The following GALNT16 variants were observed in gnomAD, a reference collection of about 807,000 sequenced individuals.
The protein encoded by GALNT16 is UDP-GalNAc:polypeptide N-acetylgalactosaminyltransferase-like protein 1.
In GALNT16, 40 loss-of-function variants were observed where a neutral mutation model predicts 76.1. The observed-to-expected ratio is 0.53, with a 90% CI of 0.41 to 0.68. The LOEUF is 0.68. Among genes scored for constraint, GALNT16 ranks in the 30% least tolerant of loss-of-function variants. The pLI is 0.00. For synonymous variants in GALNT16, 276 were observed against 285.2 expected, an observed-to-expected ratio of 0.97 and a Z score of 0.32; for missense variants, 621 against 731.9, an observed-to-expected ratio of 0.85 and a Z score of 1.75.
At chr14:69,316,470 G>T (rs764099551) in intron 1 of GALNT16, among the ~76,000 whole-genome samples, 1 of 152,226 alleles carries the variant, frequency 6.6e-6, no homozygotes, top group Non-Finnish European at 1.5e-5. Flanking sequence ...TAGACTGTGA[G>T]ATTGCAATGA....
At chr14:69,320,487 C>CA (rs1254858211) in intron 1 of GALNT16, among the ~76,000 whole-genome samples, 6 of 122,262 alleles carry the variant, frequency 4.9e-5, no homozygotes, top group African/African-American at 8.8e-5. Context: ...GACCCTGTGT[C>CA]AAAAAAAAGA....
At chr14:69,336,362 T>C (rs1355075625) in intron 9 of GALNT16, among the ~76,000 whole-genome samples, 1 of 152,184 alleles carries the variant, frequency 6.6e-6, no homozygotes, top group Non-Finnish European at 1.5e-5. Flanking sequence ...TCCACCCGCC[T>C]CAGCCTCCCA....
intron 1 of GALNT16, among the ~76,000 whole-genome samples, chr14:69,283,724 G>T (rs556930449): frequency 6.6e-6 from 1 of 152,296 alleles, no homozygotes; most frequent in Admixed American, 6.5e-5. Flanking sequence ...AAGAAGATTT[G>T]ATTATTTACT....
In GALNT16 at chr14:69,328,653, T is replaced by C. The variant is rs2140175150; in HGVS notation, c.690+82T>C. 4.8e-6 allele frequency: 7 copies of C among 1,445,432 alleles called. No homozygotes were observed. In the East Asian group the frequency reaches 9.4e-5, roughly 19 times the overall value. The allele number at this position is 1,445,432 out of a possible 1,614,324, so 89.5% of individuals were successfully genotyped here. A position where few individuals can be genotyped will look rare whatever the true frequency, so the allele number is the denominator to read the frequency against. ...TGGCACCGAGGCCTATGGGACAGTATTTGAAGCTGGGCAGGCATCGTAGGA... is the reference window on the plus strand; with the variant it reads ...TGGCACCGAGGCCTATGGGACAGTACTTGAAGCTGGGCAGGCATCGTAGGA... On this transcript the variant is annotated intron_variant, in intron 6 of 14. Transcript: ENST00000448469.
At chr14:69,382,669 CAA>C in the GALNT16 span, among the ~76,000 whole-genome samples, 6 of 139,332 alleles carry the variant, frequency 4.3e-5, no homozygotes, top group Admixed American at 7.4e-5. Flanking sequence ...CCGTCTCCAC[CAA>C]AAAAAAAAAA....
At chr14:69,340,975 A>G (rs1394086676) in intron 11 of GALNT16, among the ~76,000 whole-genome samples, 1 of 152,170 alleles carries the variant, frequency 6.6e-6, no homozygotes, top group African/African-American at 2.4e-5. Flanking sequence ...TCTTCTCCCT[A>G]TTTATTCATA....
At chr14:69,285,956 G>A (rs1394186427) in intron 1 of GALNT16, among the ~76,000 whole-genome samples, 2 of 151,844 alleles carry the variant, frequency 1.3e-5, no homozygotes, top group African/African-American at 2.4e-5. Flanking sequence ...TCCCCCACCC[G>A]CCCCAGTGCA....
chr14:69,340,241 T>G (rs1244367090), intron 11 of GALNT16, among the ~76,000 whole-genome samples: 1 of 152,276 alleles, frequency 6.6e-6, no homozygotes, highest in East Asian at 1.9e-4. Context: ...CAGTTGCCCC[T>G]CTGCATCTGC....
chr14:69,373,542 G>T, the GALNT16 span, among the ~76,000 whole-genome samples: 6 of 152,090 alleles, frequency 3.9e-5, no homozygotes, highest in African/African-American at 1.4e-4. Flanking sequence ...AAAAAGAAAG[G>T]GTATGCTAGA....
downstream of GALNT16, chr14:69,359,327 T>G (rs1477591143): frequency 6.6e-6 from 1 of 152,214 alleles, no homozygotes; most frequent in Non-Finnish European, 1.5e-5. Context: ...TTGTTTTTGT[T>G]TTGCTTTGTC....
the GALNT16 span, among the ~76,000 whole-genome samples, chr14:69,383,902 C>G: frequency 6.6e-6 from 1 of 152,082 alleles, no homozygotes; most frequent in African/African-American, 2.4e-5. Flanking sequence ...AATATCACTC[C>G]TTGGGGAGGC....
intron 1 of GALNT16, among the ~76,000 whole-genome samples, chr14:69,277,682 A>C (rs2044490180): frequency 6.6e-6 from 1 of 152,232 alleles, no homozygotes; most frequent in Non-Finnish European, 1.5e-5. Flanking sequence ...CACAATAAAC[A>C]TACGTGTGCA....
chr14:69,295,165 G>C (rs946567832), intron 1 of GALNT16, among the ~76,000 whole-genome samples: 1 of 152,166 alleles, frequency 6.6e-6, no homozygotes, highest in East Asian at 1.9e-4. Flanking sequence ...TGTAATCCTA[G>C]CACTTAGGGA....
Position 69,353,181 on chromosome 14 carries a change from A to C in GALNT16, c.*1013A>C, listed in dbSNP as rs914494619. Among the ~76,000 whole-genome samples, 1 of 152,112 alleles carries C rather than the reference A, an allele frequency of 6.6e-6. No homozygotes were observed. Among genetic ancestry groups the C allele is most frequent in the Non-Finnish European group, 1.5e-5 (1 of 68,002 alleles). ...TTTTTGCCTCTGTCAATACAGCATC[A>C]TGGGTGGTTGGAAAGAAGGGAACTT... is the stretch of plus-strand genomic sequence containing the variant. On this transcript the variant is annotated 3_prime_UTR_variant, in exon 15 of 15. Coordinates refer to ENST00000448469, the MANE Select transcript of GALNT16 (RefSeq NM_001168368.2).
chr14:69,320,091 C>T (rs1751560), intron 1 of GALNT16, among the ~76,000 whole-genome samples: 2 of 152,136 alleles, frequency 1.3e-5, no homozygotes, highest in African/African-American at 2.4e-5. Context: ...ACTCACCCCC[C>T]CAATATCCCG....
chr14:69,385,244 C>G, the GALNT16 span, among the ~76,000 whole-genome samples: 1 of 152,216 alleles, frequency 6.6e-6, no homozygotes, highest in East Asian at 1.9e-4. Context: ...ATCACAATGA[C>G]TGATTTCACT....
chr14:69,322,991 C>A (rs1339003384), intron 2 of GALNT16, among the ~76,000 whole-genome samples: 1 of 15,622 alleles, frequency 6.4e-5, no homozygotes, highest in Non-Finnish European at 9.6e-5. Flanking sequence ...TGCGCGCGCA[C>A]GCGCGCACGC....
intron 1 of GALNT16, among the ~76,000 whole-genome samples, chr14:69,294,813 G>A (rs1319776653): frequency 6.6e-6 from 1 of 152,090 alleles, no homozygotes; most frequent in Admixed American, 6.6e-5. Context: ...TGAACTCCTA[G>A]GCTCAAGGGA....
Position 69,352,255 on chromosome 14 carries a change from C to T in GALNT16, c.*87C>T, listed in dbSNP as rs988120685. ...GTGGGGGAGTGCAAAGTGGGCTGTT[C>T]CCATCTCCTCACATTTCTGCCAGGA... On this transcript the variant is annotated 3_prime_UTR_variant, in exon 15 of 15. Transcript: ENST00000448469. The T allele has an allele frequency of 1.8e-6, 2 of 1,138,686 alleles. No individual in the cohort carries two copies. The highest frequency in any genetic ancestry group is 2.5e-5 in the East Asian group (1 of 39,434). The allele number at this position is 1,138,686 out of a possible 1,614,324, so 70.5% of individuals were successfully genotyped here.
Sources: gnomAD v4.1 joint callset for allele counts (sites outside exome capture counted in the v4.1 genomes callset) on GRCh38, gnomAD v4.1.1 for gene constraint, MANE v1.5 for transcripts, NCBI Gene and HGNC (gene_info 2026-07-23, HGNC 2026-07-21) for gene names.